Variants in CNTLN observed in about 807,000 individuals in gnomAD.
CNTLN encodes the protein centlein.
Under a neutral mutation model 180.0 loss-of-function variants are expected in CNTLN, and 212 were observed. The observed-to-expected ratio is 1.18, with a 90% CI of 1.05 to 1.32. The LOEUF is 1.32. Among genes scored for constraint, CNTLN ranks in the 40% most tolerant of loss-of-function variants. The pLI is 0.00. For missense variants in CNTLN, 2,095 were observed against 1,610.9 expected, an observed-to-expected ratio of 1.30 and a Z score of -5.14; for synonymous variants, 722 against 563.1, an observed-to-expected ratio of 1.28 and a Z score of -3.99.
intron 23 of CNTLN, among the ~76,000 whole-genome samples, chr9:17,480,953 ATT>A (rs1832612553): frequency 6.6e-6 from 1 of 152,200 alleles, no homozygotes; most frequent in African/African-American, 2.4e-5. Flanking sequence ...ACAAAAACAA[ATT>A]TGTCAAGTCC....
At chr9:17,387,431 A>G (rs769575167) in intron 13 of CNTLN, among the ~76,000 whole-genome samples, 2 of 152,180 alleles carry the variant, frequency 1.3e-5, no homozygotes, top group African/African-American at 2.4e-5. Context: ...AAAGTTATTT[A>G]TAGGATTTGA....
At chr9:17,137,142 T>C (rs540351085) in intron 1 of CNTLN, among the ~76,000 whole-genome samples, 3 of 152,336 alleles carry the variant, frequency 2.0e-5, no homozygotes, top group African/African-American at 7.2e-5. Flanking sequence ...CTCGGACATA[T>C]ATAGACTAGG....
chr9:17,504,354 A>G (rs112400671), downstream of CNTLN, among the ~76,000 whole-genome samples: 2 of 152,178 alleles, frequency 1.3e-5, no homozygotes, highest in African/African-American at 4.8e-5. Flanking sequence ...CAAAACTTAA[A>G]ATGTAATACC....
At chr9:17,301,760 C>A (rs1280688928) in intron 7 of CNTLN, 2 of 966,214 alleles carry the variant, frequency 2.1e-6, no homozygotes, top group Non-Finnish European at 2.5e-6. Context: ...GTAGACATTA[C>A]AATTGTTTTG....
chr9:17,343,749 T>C (rs1330853453), intron 12 of CNTLN, among the ~76,000 whole-genome samples: 1 of 152,130 alleles, frequency 6.6e-6, no homozygotes, highest in East Asian at 1.9e-4. Flanking sequence ...GCACCGTCCA[T>C]TATCACAATC....
Position 17,178,727 on chromosome 9 carries a change from A to G in CNTLN, c.449+35351A>G, listed in dbSNP as rs553298206. ...CCACCCGGAATTCACGCTGGCCCAC[A>G]AGGGTTGCGGGCAGCCCCAGTTCCT... On this transcript the variant is annotated intron_variant, in intron 2 of 25. Coordinates refer to ENST00000380647, the MANE Select transcript of CNTLN (RefSeq NM_017738.4). 6.5e-4 allele frequency among the ~76,000 whole-genome samples: 99 copies of G among 151,634 alleles called. 1 individual carries two copies. The highest frequency in any genetic ancestry group is 2.2e-3 in the African/African-American group (92 of 41,262).
intron 10 of CNTLN, among the ~76,000 whole-genome samples, chr9:17,335,661 G>A (rs1224612914): frequency 2.0e-5 from 3 of 152,078 alleles, no homozygotes; most frequent in Non-Finnish European, 4.4e-5. Context: ...AGCCTTGCCA[G>A]GCACGATGGC....
intron 6 of CNTLN, among the ~76,000 whole-genome samples, chr9:17,282,306 T>C (rs1273614878): frequency 1.3e-5 from 2 of 152,262 alleles, no homozygotes; most frequent in East Asian, 1.9e-4. Context: ...TGGTATCTTA[T>C]TGTGGTTTTG....
chr9:17,428,721 G>C (rs1358141228), intron 18 of CNTLN, among the ~76,000 whole-genome samples: 1 of 151,886 alleles, frequency 6.6e-6, no homozygotes, highest in Non-Finnish European at 1.5e-5. Flanking sequence ...TAGATCTTTT[G>C]CTCATATTCT....
intron 2 of CNTLN, among the ~76,000 whole-genome samples, chr9:17,213,495 A>G (rs146456311): frequency 0.017 from 2,538 of 152,290 alleles, 38 homozygotes; most frequent in South Asian, 0.042. Context: ...CAATTTTGGA[A>G]TAAGTGCGAT....
chr9:17,298,955 C>G, intron 7 of CNTLN: 1 of 984,758 alleles, frequency 1.0e-6, no homozygotes, highest in Non-Finnish European at 1.2e-6. Context: ...AAAAAAATAC[C>G]TTTATTGGCC....
At chr9:17,273,178 A>AG (rs895465811) in intron 5 of CNTLN, among the ~76,000 whole-genome samples, 1 of 46,936 alleles carries the variant, frequency 2.1e-5, no homozygotes, top group African/African-American at 1.4e-4. Flanking sequence ...TTTCACAATG[A>AG]AAAATATTTA....
chr9:17,158,394 T>A (rs1228394949), intron 2 of CNTLN, among the ~76,000 whole-genome samples: 1 of 152,134 alleles, frequency 6.6e-6, no homozygotes, highest in Non-Finnish European at 1.5e-5. Context: ...ATAATAGCCT[T>A]GTAAAATGAT....
chr9:17,346,838 C>A (rs1821939284), intron 12 of CNTLN, among the ~76,000 whole-genome samples: 1 of 152,112 alleles, frequency 6.6e-6, no homozygotes, highest in Admixed American at 6.5e-5. Context: ...TTTGACAGTT[C>A]TAATCACATG....
chr9:17,491,862 G>T (rs1239076915), intron 25 of CNTLN, among the ~76,000 whole-genome samples: 1 of 148,760 alleles, frequency 6.7e-6, no homozygotes, highest in East Asian at 1.9e-4. Flanking sequence ...TGTGGCAGTG[G>T]GAAGGGTTTT....
chr9:17,416,291 A>G, intron 18 of CNTLN, 102 bp downstream of exon 18: 3 of 987,876 alleles, frequency 3.0e-6, no homozygotes, highest in South Asian at 1.9e-5. Context: ...AGGCAGGTCT[A>G]TGAGTTTTAA....
At chr9:17,357,579 CATAT>C (rs370275927) in intron 12 of CNTLN, among the ~76,000 whole-genome samples, 3 of 120,918 alleles carry the variant, frequency 2.5e-5, no homozygotes, top group African/African-American at 5.9e-5. Flanking sequence ...ATAAATACTA[CATAT>C]ATATATATAT....
chr9:17,325,566 C>CAG (rs1043765694), intron 8 of CNTLN, among the ~76,000 whole-genome samples: 1 of 140,528 alleles, frequency 7.1e-6, no homozygotes, highest in African/African-American at 2.6e-5. Context: ...TACACACACA[C>CAG]ACACACACAC....
intron 5 of CNTLN, among the ~76,000 whole-genome samples, chr9:17,261,016 C>T (rs1481124246): frequency 1.3e-5 from 2 of 151,286 alleles, no homozygotes; most frequent in Admixed American, 6.6e-5. Flanking sequence ...GTTCTCTATT[C>T]TGTTCCATTG....
Sources: allele counts gnomAD v4.1 joint callset (sites outside exome capture counted in the v4.1 genomes callset), GRCh38; gene constraint gnomAD v4.1.1; transcripts MANE v1.5; gene names NCBI Gene and HGNC (gene_info 2026-07-23, HGNC 2026-07-21).